The following SLC7A8 variants were observed in gnomAD, a reference collection of about 807,000 sequenced individuals.
SLC7A8 encodes large neutral amino acids transporter small subunit 2.
In SLC7A8, 30 loss-of-function variants were observed where a neutral mutation model predicts 51.2. The ratio of observed to expected loss-of-function variants is 0.59; its 90% CI spans 0.44 to 0.80. The LOEUF is 0.80. Ranked by LOEUF, SLC7A8 falls within the 30% of genes least tolerant of loss-of-function variation. The pLI is 0.00. For missense variants in SLC7A8, 612 were observed against 674.4 expected (o/e 0.91, Z 1.03); for synonymous variants, 257 against 275.8 (o/e 0.93, Z 0.67).
chr14:23,137,556 TTACAGG>T (rs2048701941), intron 7 of SLC7A8, among the ~76,000 whole-genome samples: 1 of 152,164 alleles, frequency 6.6e-6, no homozygotes, highest in Non-Finnish European at 1.5e-5. Context: ...AGCAGCCTGT[TTACAGG>T]TACAGGACTG....
At position 23,127,352 on chromosome 14, in the gene SLC7A8, A is replaced by C. The variant is rs773911438; in HGVS notation, c.1442-9T>G. The C allele has an allele frequency of 6.2e-6, 10 of 1,612,986 alleles. No individual in the cohort carries two copies. The South Asian group carries it at 9.9e-5, about 16-fold the overall frequency. Reference sequence around the variant, plus strand: ...CACCAGGGTTAGCAGCTCTGTAGGAAGAGATCACACAGAAACCAGGCCAAT... The same window carrying C: ...CACCAGGGTTAGCAGCTCTGTAGGACGAGATCACACAGAAACCAGGCCAAT... On this transcript the variant is annotated splice_polypyrimidine_tract_variant and intron_variant, in intron 10 of 10. Transcript: ENST00000316902.
rs1194624811 is a variant in SLC7A8 at position 23,128,302 on chromosome 14, A to C, written c.1264-106T>G. ...TCTTCACCCACAGAGACACATCCTC[A>C]AGGGCAAAGGCTGGGCTTCCCTCGG... On this transcript the variant is annotated intron_variant, in intron 9 of 10. Transcript: ENST00000316902. This position sits in a 1 kb window ranked among gnomAD's most constrained non-coding sequence, Gnocchi z 4.3. 1 of 1,556,714 alleles carries C rather than the reference A, an allele frequency of 6.4e-7. No individual in the cohort carries two copies. Among genetic ancestry groups the C allele is most frequent in the Non-Finnish European group, 8.7e-7 (1 of 1,152,638 alleles).
Position 23,158,095 on chromosome 14 carries a change from A to T in SLC7A8, c.508+7190T>A, listed in dbSNP as rs576372548. Among the ~76,000 whole-genome samples the T allele has an allele frequency of 3.9e-5, 6 of 152,362 alleles. No individual in the cohort carries two copies. In the South Asian group the frequency reaches 8.3e-4, roughly 21 times the overall value. ...AGGCTAAATCTGCTGCTGCTGCTTCACATGAGAATGAGAGTCTTTCGGTTT... is the reference window on the plus strand; with the variant it reads ...AGGCTAAATCTGCTGCTGCTGCTTCTCATGAGAATGAGAGTCTTTCGGTTT... On this transcript the variant is annotated intron_variant, in intron 3 of 10. Transcript: ENST00000316902.
chr14:23,162,678 G>A (rs376310240), intron 3 of SLC7A8, among the ~76,000 whole-genome samples: 20 of 152,270 alleles, frequency 1.3e-4, no homozygotes, highest in South Asian at 8.3e-4. Flanking sequence ...GGCAGGTGGC[G>A]TTCTTATCTC....
Position 23,165,549 on chromosome 14 carries a change from C to T in SLC7A8, c.357-113G>A. The T allele has an allele frequency of 4.5e-6, 5 of 1,099,278 alleles. No individual in the cohort carries two copies. The highest frequency in any genetic ancestry group is 6.3e-6 in the Non-Finnish European group (5 of 794,202). 68.1% of individuals were successfully genotyped at this position (1,099,278 alleles called of 1,614,324 possible). A position where few individuals can be genotyped will look rare whatever the true frequency, so the allele number is the denominator to read the frequency against. On this transcript the variant is annotated intron_variant, in intron 2 of 10. Coordinates refer to ENST00000316902, the MANE Select transcript of SLC7A8 (RefSeq NM_012244.4). This position sits in a 1 kb window ranked among gnomAD's most constrained non-coding sequence, Gnocchi z 4.2. The stretch of plus-strand genomic sequence containing the variant: ...TTTATTTTCAAGGATGCTGAAGAGC[C>T]CAGCCTCTGCCCCCACCCACAAATG...
intron 3 of SLC7A8, chr14:23,155,329 C>T: frequency 6.5e-7 from 1 of 1,535,478 alleles, no homozygotes; most frequent in South Asian, 1.2e-5. Flanking sequence ...CCAAACACTT[C>T]CAGCTAAGCT....
Position 23,128,524 on chromosome 14 carries a change from C to T in SLC7A8, c.1264-328G>A, listed in dbSNP as rs750065494. 7.9e-5 allele frequency among the ~76,000 whole-genome samples: 12 copies of T among 152,210 alleles called. No homozygotes were observed. The highest frequency in any genetic ancestry group is 1.6e-4 in the Non-Finnish European group (11 of 68,046). ...TGTGCCCGTGGCAGCCAGAGAAGCC[C>T]ACAGGGATGGAGAAGCTTGCTGGCA... is the stretch of plus-strand genomic sequence containing the variant. On this transcript the variant is annotated intron_variant, in intron 9 of 10. Coordinates refer to ENST00000316902, the MANE Select transcript of SLC7A8 (RefSeq NM_012244.4). The surrounding 1 kb of genome is among the most constrained non-coding windows in gnomAD (Gnocchi z 4.3).
intron 3 of SLC7A8, among the ~76,000 whole-genome samples, chr14:23,160,570 T>TAAA (rs11405198): frequency 5.5e-5 from 7 of 127,162 alleles, no homozygotes; most frequent in Admixed American, 8.3e-5. Flanking sequence ...GACTCCGTCT[T>TAAA]AAAAAAAAAA....
In SLC7A8 at chr14:23,139,552, A is replaced by G. The variant is rs753938194; in HGVS notation, c.789-5T>C. On this transcript the variant is annotated splice_polypyrimidine_tract_variant and splice_region_variant and intron_variant, in intron 5 of 10. Coordinates refer to ENST00000316902, the MANE Select transcript of SLC7A8 (RefSeq NM_012244.4). ...AAGATGGCTCTGGGAAGGTTCCTGTAGAGGGAGAGGAGGTGAGGGGAAGGG... is the reference window on the plus strand; with the variant it reads ...AAGATGGCTCTGGGAAGGTTCCTGTGGAGGGAGAGGAGGTGAGGGGAAGGG... 6.2e-6 allele frequency: 10 copies of G among 1,612,026 alleles called. No homozygotes were observed. The highest frequency in any genetic ancestry group is 4.4e-5 in the South Asian group (4 of 90,950).
intron 3 of SLC7A8, chr14:23,155,066 T>C (rs1014366731): frequency 7.4e-6 from 7 of 952,088 alleles, no homozygotes; most frequent in African/African-American, 5.2e-5. Flanking sequence ...CCAGCTTCTA[T>C]AAAGTGCACA....
chr14:23,172,765 C>T (rs948120116), intron 1 of SLC7A8, among the ~76,000 whole-genome samples: 8 of 152,216 alleles, frequency 5.3e-5, no homozygotes, highest in Admixed American at 1.3e-4. Flanking sequence ...GCCAGTAACA[C>T]TGCTAAACAT....
intron 3 of SLC7A8, among the ~76,000 whole-genome samples, chr14:23,145,966 T>C (rs576222300): frequency 6.6e-6 from 1 of 152,354 alleles, no homozygotes; most frequent in East Asian, 1.9e-4. Context: ...CCAGACGGAC[T>C]GACATCCTGA....
chr14:23,164,021 G>A (rs1020204458), intron 3 of SLC7A8, among the ~76,000 whole-genome samples: 1 of 151,664 alleles, frequency 6.6e-6, no homozygotes, highest in African/African-American at 2.4e-5. Flanking sequence ...GAGTGCAGTG[G>A]CTATTCATAG....
intron 4 of SLC7A8, among the ~76,000 whole-genome samples, chr14:23,142,602 G>T (rs2048755511): frequency 6.6e-6 from 1 of 152,178 alleles, no homozygotes; most frequent in Non-Finnish European, 1.5e-5. Context: ...CTGGGCTCAG[G>T]TGATCCTCCC....
intron 1 of SLC7A8, among the ~76,000 whole-genome samples, chr14:23,174,015 A>G (rs1476705534): frequency 6.6e-6 from 1 of 152,232 alleles, no homozygotes; most frequent in African/African-American, 2.4e-5. Flanking sequence ...GCTCAAGATT[A>G]CAAAGATTGT....
rs145667741 is a variant in SLC7A8, at chr14:23,175,039, C to G, written c.151+7725G>C. Among the ~76,000 whole-genome samples the G allele has an allele frequency of 5.3e-5, 8 of 152,336 alleles. No individual in the cohort carries two copies. In the East Asian group the frequency reaches 1.5e-3, roughly 29 times the overall value. ...CATTTCTTTGAAGGCAGCTGTGCTG[C>G]TGGATTACCCATCAAAAAGACAGAA... On this transcript the variant is annotated intron_variant, in intron 1 of 10. Coordinates refer to ENST00000316902, the MANE Select transcript of SLC7A8 (RefSeq NM_012244.4).
chr14:23,165,462 G>T lies in SLC7A8; in HGVS notation c.357-26C>A, dbSNP rs376471257. ...CTGAAGGAGGAAAGGGACATCCGCCGAAAGGCATGGCAGGGACGCAGAGCC... is the reference window on the plus strand; with the variant it reads ...CTGAAGGAGGAAAGGGACATCCGCCTAAAGGCATGGCAGGGACGCAGAGCC... On this transcript the variant is annotated intron_variant, in intron 2 of 10. Transcript: ENST00000316902. The surrounding 1 kb of genome is among the most constrained non-coding windows in gnomAD (Gnocchi z 4.2). 1 of 1,572,948 alleles carries T rather than the reference G, an allele frequency of 6.4e-7. No individual in the cohort carries two copies.
At chr14:23,140,728 A>ATGGTGAAGGGAGACT in intron 4 of SLC7A8, 104 bp from the exon 5 acceptor site, 1 of 1,148,168 alleles carries the variant, frequency 8.7e-7, no homozygotes, top group Non-Finnish European at 1.2e-6. Flanking sequence ...TGGCAATGAC[A>ATGGTGAAGGGAGACT]CCAACTCTGT....
chr14:23,169,777 C>T (rs182047279), intron 1 of SLC7A8, among the ~76,000 whole-genome samples: 5 of 152,188 alleles, frequency 3.3e-5, no homozygotes, highest in Admixed American at 1.3e-4. Context: ...GGAAAAATGA[C>T]GGTATTATTA....
Sources: gnomAD v4.1 joint callset for allele counts (sites outside exome capture counted in the v4.1 genomes callset) on GRCh38, gnomAD v4.1.1 for gene constraint, Gnocchi (gnomAD v3.1) non-coding constraint, MANE v1.5 for transcripts, NCBI Gene and HGNC (gene_info 2026-07-23, HGNC 2026-07-21) for gene names.